Variants in DDHD1 observed in about 807,000 individuals in gnomAD.
DDHD1 encodes phospholipase DDHD1.
DDHD1 carries 49 observed loss-of-function variants against 96.4 expected under a neutral mutation model. That is an observed-to-expected ratio of 0.51 (90% CI 0.40 to 0.64). The LOEUF (loss-of-function observed/expected upper bound fraction) is 0.64. DDHD1 is among the 30% of genes least tolerant of loss of function. The probability of loss-of-function intolerance (pLI) is 0.00; values close to 1 mark genes in which losing one functional copy is unlikely to be tolerated. For missense variants in DDHD1, 1,106 were observed against 1,161.2 expected (o/e 0.95, Z 0.69); for synonymous variants, 442 against 446.5 (o/e 0.99, Z 0.13).
Position 53,058,527 on chromosome 14 carries a change from T to C in DDHD1, c.1942A>G (p.Arg648Gly). The change falls in exon 9 of 13, where the codon AGA (arginine) becomes GGA (glycine). Residue 648 changes from arginine (R) to glycine (G), a missense_variant. Physicochemically the swap from Arg to Gly is moderately radical, Grantham distance 125 (BLOSUM62 -2). Coordinates refer to ENST00000673822, the MANE Select transcript of DDHD1 (RefSeq NM_001160148.2). ...NTGSQDHILP[R>G]EICNRLLNIF... The stretch of plus-strand genomic sequence containing the variant: ...TTTAGTAACCGGTTACAAATCTCTC[T>C]AGGCAAAATATGGTCTTGACTTCCA... The C allele has an allele frequency of 6.2e-7, 1 of 1,613,844 alleles. No homozygotes were observed. The highest frequency in any genetic ancestry group is 8.5e-7 in the Non-Finnish European group (1 of 1,179,926).
In DDHD1 at chr14:53,101,469, A is replaced by G. The variant is rs532074716; in HGVS notation, c.1012+2214T>C. Among the ~76,000 whole-genome samples the G allele has an allele frequency of 4.3e-4, 66 of 152,244 alleles. 2 individuals are homozygous for G. The South Asian group carries it at 0.014, about 32-fold the overall frequency. On this transcript the variant is annotated intron_variant, in intron 2 of 12. Coordinates refer to ENST00000673822, the MANE Select transcript of DDHD1 (RefSeq NM_001160148.2). ...TTATATGCCACAGTACATTATAAAA[A>G]CAAATTTTCTTCTAATGAACCTCAA... is the stretch of plus-strand genomic sequence containing the variant.
intron 2 of DDHD1, among the ~76,000 whole-genome samples, chr14:53,098,825 G>A (rs908433569): frequency 5.3e-5 from 8 of 152,038 alleles, no homozygotes; most frequent in African/African-American, 1.9e-4. Flanking sequence ...CACCTGTGCT[G>A]CTATGGCACC....
chr14:53,062,725 A>G (rs1355418597), intron 7 of DDHD1, among the ~76,000 whole-genome samples: 3 of 152,204 alleles, frequency 2.0e-5, no homozygotes, highest in Non-Finnish European at 4.4e-5. Flanking sequence ...AAGGAAAACA[A>G]GGAGAATAAC....
intron 4 of DDHD1, among the ~76,000 whole-genome samples, chr14:53,086,981 A>G (rs1285767997): frequency 6.6e-6 from 1 of 150,602 alleles, no homozygotes; most frequent in Non-Finnish European, 1.5e-5. Context: ...GCAAAAAAAA[A>G]AAAAAAAAAA....
At chr14:53,100,639 T>A (rs962272269) in intron 2 of DDHD1, among the ~76,000 whole-genome samples, 3 of 152,152 alleles carry the variant, frequency 2.0e-5, no homozygotes, top group Non-Finnish European at 4.4e-5. Context: ...CTAATCTGTT[T>A]GTGGCAAGAA....
At chr14:53,128,929 G>A (rs886198409) in intron 1 of DDHD1, among the ~76,000 whole-genome samples, 2 of 152,108 alleles carry the variant, frequency 1.3e-5, no homozygotes, top group Non-Finnish European at 2.9e-5. Context: ...TTGTGATAAT[G>A]CACTTTGTGA....
At chr14:53,096,285 T>C in intron 2 of DDHD1, 1 of 631,814 alleles carries the variant, frequency 1.6e-6, no homozygotes, top group East Asian at 1.4e-4. Flanking sequence ...TGCCTTTTTG[T>C]TCTAGTATTA....
rs115135239 is a variant in DDHD1 at position 53,099,689 on chromosome 14, A to T, written c.1012+3994T>A. 1.1e-3 allele frequency among the ~76,000 whole-genome samples: 173 copies of T among 152,316 alleles called. 1 individual carries two copies. The highest frequency in any genetic ancestry group is 3.6e-3 in the African/African-American group (150 of 41,572). On this transcript the variant is annotated intron_variant, in intron 2 of 12. Coordinates refer to ENST00000673822, the MANE Select transcript of DDHD1 (RefSeq NM_001160148.2). ...AGATTTAAGTATTAATGTTTACCAAATTACTTGTTGACATCTTGATTTCTA... is the reference window on the plus strand; with the variant it reads ...AGATTTAAGTATTAATGTTTACCAATTTACTTGTTGACATCTTGATTTCTA...
intron 4 of DDHD1, among the ~76,000 whole-genome samples, chr14:53,090,675 G>A (rs1332015763): frequency 6.6e-6 from 1 of 152,142 alleles, no homozygotes; most frequent in African/African-American, 2.4e-5. Context: ...ACTGAACAAT[G>A]AGAACACTTG....
rs531787968 is a variant in DDHD1 at position 53,147,371 on chromosome 14, G to T, written c.838+4890C>A. Among the ~76,000 whole-genome samples, 45 of 152,328 alleles carry T rather than the reference G, an allele frequency of 3.0e-4. No homozygotes were observed. In the South Asian group the frequency reaches 5.2e-3, roughly 18 times the overall value. On this transcript the variant is annotated intron_variant, in intron 1 of 12. Transcript: ENST00000673822. ...AAAAGAGGAAAGAAAACCAGAGGTG[G>T]TTGACAGGGGTAAGAAAACCACACT...
intron 1 of DDHD1, among the ~76,000 whole-genome samples, chr14:53,133,665 C>G (rs1026661674): frequency 1.3e-5 from 2 of 152,180 alleles, no homozygotes; most frequent in African/African-American, 4.8e-5. Context: ...CCCATTTGAG[C>G]TCCTGTATGG....
At chr14:53,138,924 C>T (rs1890434582) in intron 1 of DDHD1, among the ~76,000 whole-genome samples, 1 of 152,064 alleles carries the variant, frequency 6.6e-6, no homozygotes. Context: ...GAGAGGGGAA[C>T]AGTGGCAGGT....
intron 6 of DDHD1, among the ~76,000 whole-genome samples, chr14:53,066,628 C>A (rs1566532750): frequency 6.6e-6 from 1 of 152,066 alleles, no homozygotes. Context: ...AACACCAATG[C>A]CATGTTAATG....
intron 4 of DDHD1, among the ~76,000 whole-genome samples, chr14:53,084,805 C>T (rs1885790027): frequency 1.3e-5 from 2 of 152,132 alleles, no homozygotes; most frequent in African/African-American, 2.4e-5. Context: ...GGAGGGCAAG[C>T]CGAAGCAGGG....
In DDHD1 at chr14:53,038,554, G is replaced by A. The variant is rs1881425516; in HGVS notation, c.*8214C>T. The A allele has an allele frequency of 1.3e-5, 2 of 152,160 alleles. 1 individual carries two copies. Among genetic ancestry groups the A allele is most frequent in the South Asian group, 4.1e-4 (2 of 4,828 alleles). The allele number at this position is 152,160 out of a possible 1,614,324, so 9.4% of individuals were successfully genotyped here. The stretch of plus-strand genomic sequence containing the variant: ...AATGGAAAAACATTCCATGTTCATG[G>A]ATTGGAAGAATCAATATAGTTTAAA... On this transcript the variant is annotated 3_prime_UTR_variant, in exon 13 of 13. Coordinates refer to ENST00000673822, the MANE Select transcript of DDHD1 (RefSeq NM_001160148.2).
chr14:53,061,345 G>A, intron 7 of DDHD1, 144 bp from the exon 8 acceptor site: 1 of 588,722 alleles, frequency 1.7e-6, no homozygotes, highest in South Asian at 3.4e-5. Context: ...TTTAATAAAT[G>A]TCTCTGCCAC....
At chr14:53,083,169 T>C (rs147379743) in intron 4 of DDHD1, among the ~76,000 whole-genome samples, 30 of 152,150 alleles carry the variant, frequency 2.0e-4, no homozygotes, top group African/African-American at 7.2e-4. Context: ...TTTTTTTCTG[T>C]ACTTACGGGT....
chr14:53,080,578 AT>A (rs1453973110), intron 4 of DDHD1, among the ~76,000 whole-genome samples: 1 of 151,928 alleles, frequency 6.6e-6, no homozygotes, highest in Non-Finnish European at 1.5e-5. Flanking sequence ...CCTAGACAAT[AT>A]ATTTATCAAT....
chr14:53,051,208 T>A (rs943410813), intron 12 of DDHD1, among the ~76,000 whole-genome samples: 7 of 151,630 alleles, frequency 4.6e-5, no homozygotes, highest in Admixed American at 1.3e-4. Context: ...TTTTTTTTTT[T>A]AAAAGAGAAG....
Sources: gnomAD v4.1 joint callset for allele counts (sites outside exome capture counted in the v4.1 genomes callset) on GRCh38, gnomAD v4.1.1 for gene constraint, MANE v1.5 for transcripts, NCBI Gene and HGNC (gene_info 2026-07-23, HGNC 2026-07-21) for gene names.